SASH1: variants seen among roughly 807,000 people sequenced by gnomAD.
The protein encoded by SASH1 is SAM and SH3 domain containing 1, also known as SAM and SH3 domain-containing protein 1.
In SASH1, 44 loss-of-function variants were observed where a neutral mutation model predicts 125.2. The ratio of observed to expected loss-of-function variants is 0.35; its 90% CI spans 0.28 to 0.45. The LOEUF (loss-of-function observed/expected upper bound fraction) is 0.45, where lower values mean the gene tolerates loss of function less well. Ranked by LOEUF, SASH1 falls within the 20% of genes least tolerant of loss-of-function variation. The pLI is 1.00. For missense variants in SASH1, 1,426 were observed against 1,614.5 expected (o/e 0.88, Z 2.00); for synonymous variants, 639 against 649.1 (o/e 0.98, Z 0.24).
At chr6:148,270,149 G>A (rs9497986), upstream of SASH1, among the ~76,000 whole-genome samples, 1 of 152,068 alleles carries the variant, frequency 6.6e-6, no homozygotes, top group Non-Finnish European at 1.5e-5. Flanking sequence ...GACCTTCCTG[G>A]TATAGACAAG....
At chr6:148,416,142 G>C (rs1362146319) in intron 2 of SASH1, among the ~76,000 whole-genome samples, 1 of 152,170 alleles carries the variant, frequency 6.6e-6, no homozygotes, top group Non-Finnish European at 1.5e-5. Context: ...CACCAGTGCC[G>C]TGACACACTC....
chr6:148,219,676 C>T, the SASH1 span, among the ~76,000 whole-genome samples: 2 of 152,150 alleles, frequency 1.3e-5, no homozygotes, highest in African/African-American at 2.4e-5. Context: ...GCTAAGGGAA[C>T]GTACCCACTG....
At chr6:148,487,088 T>TACAC (rs757099589) in intron 7 of SASH1, among the ~76,000 whole-genome samples, 10 of 101,720 alleles carry the variant, frequency 9.8e-5, no homozygotes, top group Non-Finnish European at 1.4e-4. Context: ...ATAACACATA[T>TACAC]ATATACACAC....
Position 148,514,399 on chromosome 6 carries a change from C to T in SASH1, c.805C>T (p.Arg269Cys), listed in dbSNP as rs1168106629. 14 of 1,587,138 alleles carry T rather than the reference C, an allele frequency of 8.8e-6. No individual in the cohort carries two copies. Among genetic ancestry groups the T allele is most frequent in the Middle Eastern group, 1.7e-4 (1 of 5,912 alleles). ...GTTACACAAGCTGGTAAACTCCACTCGCAGAGTCAGAAAGAAACTAATTAG... is the reference window on the plus strand; with the variant it reads ...GTTACACAAGCTGGTAAACTCCACTTGCAGAGTCAGAAAGAAACTAATTAG... Reference protein sequence around the residue: ...KRLHKLVNSTRRVRKKLIRVE... With the variant: ...KRLHKLVNSTCRVRKKLIRVE... Residue 269 changes from arginine to cysteine, a missense_variant, in exon 9 of 20, where the codon CGC becomes TGC. Arg to Cys is a radical substitution (Grantham distance 180). Coordinates refer to ENST00000367467, the MANE Select transcript of SASH1 (RefSeq NM_015278.5).
chr6:148,448,138 G>A (rs958391852), intron 4 of SASH1, among the ~76,000 whole-genome samples: 2 of 150,558 alleles, frequency 1.3e-5, no homozygotes, highest in Admixed American at 1.3e-4. Flanking sequence ...GTGTGTGTGT[G>A]TATGTGTGTG....
At chr6:148,543,334 A>G (rs555681901) in intron 17 of SASH1, among the ~76,000 whole-genome samples, 2 of 152,294 alleles carry the variant, frequency 1.3e-5, no homozygotes, top group South Asian at 2.1e-4. Flanking sequence ...TCTCATCAAT[A>G]TGCGGTATGA....
the SASH1 span, among the ~76,000 whole-genome samples, chr6:148,267,032 G>A: frequency 2.0e-5 from 3 of 152,068 alleles, no homozygotes; most frequent in African/African-American, 7.2e-5. Flanking sequence ...ATTCTGCTGC[G>A]AGTGGTCCTC....
At chr6:148,516,345 C>T (rs1479085739) in intron 9 of SASH1, among the ~76,000 whole-genome samples, 1 of 152,050 alleles carries the variant, frequency 6.6e-6, no homozygotes, top group Non-Finnish European at 1.5e-5. Context: ...GGGCTGCCCT[C>T]CAATTCCCTG....
intron 7 of SASH1, among the ~76,000 whole-genome samples, chr6:148,483,960 A>T (rs1778732856): frequency 6.6e-6 from 1 of 152,232 alleles, no homozygotes; most frequent in South Asian, 2.1e-4. Flanking sequence ...GATTTATCTC[A>T]AAAGAAGCAG....
At chr6:148,289,017 G>C (rs970512650) in intron 1 of SASH1, among the ~76,000 whole-genome samples, 1 of 150,888 alleles carries the variant, frequency 6.6e-6, no homozygotes, top group Non-Finnish European at 1.5e-5. Context: ...TTTTTGTGAC[G>C]GAGTTTCACT....
chr6:148,372,440 A>G (rs1032857007), intron 1 of SASH1, among the ~76,000 whole-genome samples: 2 of 152,198 alleles, frequency 1.3e-5, no homozygotes, highest in South Asian at 4.2e-4. Context: ...TCATACAAAG[A>G]GAACAGGATG....
Position 148,342,973 on chromosome 6 carries a change from C to T in SASH1, c.-95C>T, listed in dbSNP as rs1582989873. The T allele has an allele frequency of 5.6e-5, 56 of 994,270 alleles. No homozygotes were observed. In the South Asian group the frequency reaches 2.1e-3, roughly 37 times the overall value. The allele number at this position is 994,270 out of a possible 1,614,324, so 61.6% of individuals were successfully genotyped here. A position where few individuals can be genotyped will look rare whatever the true frequency, so the allele number is the denominator to read the frequency against. ...GCGGGGGCGCGGCTCGGTGACGCCG[C>T]GGGCGGGGACCCGGCATCCGGGCAG... is the stretch of plus-strand genomic sequence containing the variant. On this transcript the variant is annotated 5_prime_UTR_variant, in exon 1 of 20. Transcript: ENST00000367467.
At chr6:148,244,081 C>G in the SASH1 span, among the ~76,000 whole-genome samples, 1 of 152,150 alleles carries the variant, frequency 6.6e-6, no homozygotes, top group Non-Finnish European at 1.5e-5. Flanking sequence ...TAAAGAAAAC[C>G]CCATTAAATG....
intron 8 of SASH1, among the ~76,000 whole-genome samples, chr6:148,498,394 C>T (rs1779408044): frequency 6.6e-6 from 1 of 151,162 alleles, no homozygotes; most frequent in East Asian, 1.9e-4. Flanking sequence ...GAGCAAGAAC[C>T]TGTCTCTAAA....
intron 8 of SASH1, among the ~76,000 whole-genome samples, chr6:148,494,922 CT>C (rs1178485492): frequency 2.0e-5 from 3 of 152,162 alleles, no homozygotes; most frequent in Non-Finnish European, 4.4e-5. Flanking sequence ...TAGTTGGCAC[CT>C]TTTAAATCTT....
intron 1 of SASH1, among the ~76,000 whole-genome samples, chr6:148,317,864 C>T (rs68071879): frequency 0.23 from 34,491 of 152,016 alleles, 4,087 homozygotes; most frequent in East Asian, 0.33. Flanking sequence ...CCTTTAGCAA[C>T]GCATTCCATT....
intron 6 of SASH1, 65 bp from the exon 7 acceptor site, chr6:148,474,045 C>T (rs752691058): frequency 1.8e-5 from 17 of 962,614 alleles, no homozygotes; most frequent in Middle Eastern, 2.1e-4. Context: ...GCAGATGTTC[C>T]GCATTGACGT....
In SASH1 at chr6:148,527,039, A is replaced by AT. The variant is rs576593285; in HGVS notation, c.1285-408dup. On this transcript the variant is annotated intron_variant, in intron 11 of 19. Transcript: ENST00000367467. ...AGACGCCCACCACCACGCCCAGCTAATTTTTTGTATTTTTAGTAGAGACGG... is the reference window on the plus strand; with the variant it reads ...AGACGCCCACCACCACGCCCAGCTAATTTTTTTGTATTTTTAGTAGAGACGG... Among the ~76,000 whole-genome samples, 416 of 151,968 alleles carry AT rather than the reference A, an allele frequency of 2.7e-3. 5 individuals carry two copies. The highest frequency in any genetic ancestry group is 9.6e-3 in the African/African-American group (397 of 41,404).
chr6:148,260,301 T>C, the SASH1 span, among the ~76,000 whole-genome samples: 1 of 152,224 alleles, frequency 6.6e-6, no homozygotes, highest in East Asian at 1.9e-4. Flanking sequence ...AAAGTGTTTC[T>C]ATTTTAAATC....
Sources: allele counts gnomAD v4.1 joint callset (sites outside exome capture counted in the v4.1 genomes callset), GRCh38; gene constraint gnomAD v4.1.1; transcripts MANE v1.5; gene names NCBI Gene and HGNC (gene_info 2026-07-23, HGNC 2026-07-21).